ALS2: variants seen among roughly 807,000 people sequenced by gnomAD.
The protein encoded by ALS2 is alsin Rho guanine nucleotide exchange factor ALS2.
Under a neutral mutation model 203.4 loss-of-function variants are expected in ALS2, and 117 were observed. The ratio of observed to expected loss-of-function variants is 0.58; its 90% CI spans 0.50 to 0.67. The LOEUF (loss-of-function observed/expected upper bound fraction) is 0.67. ALS2 is among the 30% of genes least tolerant of loss of function. ALS2 has a pLI of 0.00. For synonymous variants in ALS2, 718 were observed against 725.9 expected (o/e 0.99, Z 0.17); for missense variants, 1,715 against 1,989.4 (o/e 0.86, Z 2.62).
chr2:201,744,040 G>A (rs1036538088), intron 10 of ALS2, among the ~76,000 whole-genome samples: 8 of 152,124 alleles, frequency 5.3e-5, no homozygotes, highest in East Asian at 1.9e-4. Flanking sequence ...TCTGGAAGCC[G>A]CAGGAGCTCT....
At chr2:201,749,822 T>C (rs757233678) in intron 7 of ALS2, 33 bp from the exon 8 acceptor site, 1 of 1,569,174 alleles carries the variant, frequency 6.4e-7, no homozygotes, top group South Asian at 1.1e-5. Context: ...TAGCTAAGCG[T>C]TGTGAATCTG....
chr2:201,757,649 A>G lies in ALS2; in HGVS notation c.1224T>C (p.Ala408=). The change falls in exon 5 of 34, where the codon GCT becomes GCC. Residue 408 remains alanine (A), a synonymous_variant. Transcript: ENST00000264276. ...SCASAVGVRV[A]ATYEAGALSL... ...ACAAGGCACCAGCTTCATAAGTAGC[A>G]GCCACTCTCACACCAACAGCAGATG... 1 of 1,614,202 alleles carries G rather than the reference A, an allele frequency of 6.2e-7. No individual in the cohort carries two copies. The highest frequency in any genetic ancestry group is 2.2e-5 in the East Asian group (1 of 44,890).
intron 1 of ALS2, among the ~76,000 whole-genome samples, chr2:201,773,717 T>C (rs899517183): frequency 2.0e-5 from 3 of 152,080 alleles, no homozygotes; most frequent in African/African-American, 7.2e-5. Context: ...CAATAGATAA[T>C]GTCATTGGGT....
At position 201,705,213 on chromosome 2, in the gene ALS2, G is replaced by C; in HGVS notation, c.4627-13C>G. 4 of 1,613,598 alleles carry C rather than the reference G, an allele frequency of 2.5e-6. No individual in the cohort carries two copies. The highest frequency in any genetic ancestry group is 2.5e-6 in the Non-Finnish European group (3 of 1,179,536). On this transcript the variant is annotated splice_polypyrimidine_tract_variant and intron_variant, in intron 30 of 33. Transcript: ENST00000264276. ...TGGTTGGCAAAACCTGCAAAAAAGA[G>C]AGTGAAGGTCAAGGAGGAAAACTAT...
Position 201,726,563 on chromosome 2 carries a change from G to A in ALS2, c.3183-14C>T. 3 of 1,612,022 alleles carry A rather than the reference G, an allele frequency of 1.9e-6. No homozygotes were observed. Among genetic ancestry groups the A allele is most frequent in the Non-Finnish European group, 2.5e-6 (3 of 1,178,104 alleles). ...TTCAAAACCCCTCTGGAATGCATAA[G>A]CAAAGAATAATGCATGTCAACTAAT... On this transcript the variant is annotated splice_polypyrimidine_tract_variant and intron_variant, in intron 18 of 33. Coordinates refer to ENST00000264276, the MANE Select transcript of ALS2 (RefSeq NM_020919.4).
chr2:201,738,595 C>T, intron 12 of ALS2, 75 bp downstream of exon 12: 1 of 1,387,098 alleles, frequency 7.2e-7, no homozygotes, highest in Non-Finnish European at 1.0e-6. Context: ...TTTCCCTGAG[C>T]ACTCGAAAAC....
At position 201,754,682 on chromosome 2, in the gene ALS2, A is replaced by G; in HGVS notation, c.1472-11T>C. On this transcript the variant is annotated splice_polypyrimidine_tract_variant and intron_variant, in intron 5 of 33. Transcript: ENST00000264276. ...AGAGCCTGGGGGAAACTGAAAACCAACCAGACGTGGGGTGAAGGAGTGGGA... is the reference window on the plus strand; with the variant it reads ...AGAGCCTGGGGGAAACTGAAAACCAGCCAGACGTGGGGTGAAGGAGTGGGA... 1 of 1,614,042 alleles carries G rather than the reference A, an allele frequency of 6.2e-7. No individual in the cohort carries two copies. Among genetic ancestry groups the G allele is most frequent in the Non-Finnish European group, 8.5e-7 (1 of 1,179,960 alleles).
rs140868891 is a variant in ALS2 at position 201,730,843 on chromosome 2, T to C, written c.2581-1660A>G. The stretch of plus-strand genomic sequence containing the variant: ...CAGTGAAGAACGCAGTGACTACTAG[T>C]ATAGTCTGGTGCCACTGCCTTGATT... On this transcript the variant is annotated intron_variant, in intron 13 of 33. Transcript: ENST00000264276. 4.8e-3 allele frequency among the ~76,000 whole-genome samples: 724 copies of C among 152,388 alleles called. 13 individuals carry two copies. Among genetic ancestry groups the C allele is most frequent in the African/African-American group, 0.016 (685 of 41,596 alleles).
chr2:201,729,524 A>G (rs1167241388), intron 13 of ALS2, among the ~76,000 whole-genome samples: 2 of 152,244 alleles, frequency 1.3e-5, no homozygotes, highest in South Asian at 4.1e-4. Flanking sequence ...GTATCTATTG[A>G]TATTTACCAT....
intron 3 of ALS2, 81 bp downstream of exon 3, chr2:201,767,148 A>G: frequency 3.9e-6 from 6 of 1,554,296 alleles, no homozygotes; most frequent in East Asian, 2.2e-5. Context: ...CTAGTATCCA[A>G]TGACTCCCAT....
chr2:201,733,022 C>A (rs1449911487), intron 13 of ALS2, among the ~76,000 whole-genome samples: 1 of 152,168 alleles, frequency 6.6e-6, no homozygotes, highest in African/African-American at 2.4e-5. Context: ...AGAGTCTCAA[C>A]TTTAGACAGT....
intron 17 of ALS2, 24 bp downstream of exon 17, chr2:201,727,188 A>C (rs1296284226): frequency 6.3e-7 from 1 of 1,590,262 alleles, no homozygotes; most frequent in African/African-American, 1.3e-5. Context: ...CGAAGATTGA[A>C]GGAAAATACC....
Position 201,738,711 on chromosome 2 carries a change from G to C in ALS2, c.2376C>G (p.Phe792Leu). 6.2e-7 allele frequency: 1 copy of C among 1,614,072 alleles called. No individual in the cohort carries two copies. Among genetic ancestry groups the C allele is most frequent in the East Asian group, 2.2e-5 (1 of 44,876 alleles). Residue 792 changes from phenylalanine to leucine, a missense_variant, in exon 12 of 34, where the codon TTC becomes TTG. By Grantham distance (22) the Phe-to-Leu change is conservative. This residue lies in a region of ALS2 where 1,227 missense variants were observed against 1,413.5 expected (regional missense o/e 0.87). Coordinates refer to ENST00000264276, the MANE Select transcript of ALS2 (RefSeq NM_020919.4). ...YTEYCTSITN[F>L]LVMGGFQLLA... ...GAAGCTGGAATCCTCCCATAACCAG[G>C]AAATTTGTAATAGATGTGCAATACC...
At chr2:201,764,682 TA>T (rs1553515895) in intron 3 of ALS2, among the ~76,000 whole-genome samples, 1 of 142,426 alleles carries the variant, frequency 7.0e-6, no homozygotes, top group Non-Finnish European at 1.5e-5. Flanking sequence ...AATAAATAAA[TA>T]AAAGTGAATC....
chr2:201,725,292 A>G, intron 20 of ALS2, 64 bp downstream of exon 20: 1 of 1,407,922 alleles, frequency 7.1e-7, no homozygotes, highest in South Asian at 1.2e-5. Flanking sequence ...TGGCTATGCA[A>G]ACATTCAGGT....
chr2:201,770,344 T>A (rs1267290040), intron 1 of ALS2, among the ~76,000 whole-genome samples: 1 of 152,232 alleles, frequency 6.6e-6, no homozygotes, highest in Non-Finnish European at 1.5e-5. Flanking sequence ...AATCTTTTGA[T>A]AAAATGAATA....
In ALS2 at chr2:201,768,744, T is replaced by C. The variant is rs538803923; in HGVS notation, c.20+122A>G. The C allele has an allele frequency of 4.2e-5, 39 of 933,334 alleles. No individual in the cohort carries two copies. In the African/African-American group the frequency reaches 6.1e-4, roughly 15 times the overall value. The allele number at this position is 933,334 out of a possible 1,614,324, so 57.8% of individuals were successfully genotyped here. A position where few individuals can be genotyped will look rare whatever the true frequency, so the allele number is the denominator to read the frequency against. On this transcript the variant is annotated intron_variant, in intron 2 of 33. Transcript: ENST00000264276. ...TCTTTACCAACGAACTAACTACAAA[T>C]GTCACTATTCCCACTTAACAACCAT...
chr2:201,770,052 A>G (rs1421145025), intron 1 of ALS2, among the ~76,000 whole-genome samples: 1 of 152,280 alleles, frequency 6.6e-6, no homozygotes, highest in East Asian at 1.9e-4. Flanking sequence ...CATTTAATAA[A>G]TACAATTAAG....
chr2:201,763,221 A>C, intron 3 of ALS2: 1 of 194,170 alleles, frequency 5.2e-6, no homozygotes, highest in South Asian at 1.0e-4. Flanking sequence ...AAGATCAGCA[A>C]GCACCACGCA....
Sources: gnomAD v4.1 joint callset for allele counts (sites outside exome capture counted in the v4.1 genomes callset) on GRCh38, gnomAD v4.1.1 for gene constraint, gnomAD v4.1.1 regional missense constraint, MANE v1.5 for transcripts, NCBI Gene and HGNC (gene_info 2026-07-23, HGNC 2026-07-21) for gene names.